DCC: variants seen among roughly 807,000 people sequenced by gnomAD.
DCC encodes the protein DCC netrin 1 receptor, also known as netrin receptor DCC.
In DCC, 58 loss-of-function variants were observed where a neutral mutation model predicts 172.5. The observed-to-expected ratio is 0.34, with a 90% CI of 0.27 to 0.42. The LOEUF (loss-of-function observed/expected upper bound fraction) is 0.42, where lower values mean the gene tolerates loss of function less well. Among genes scored for constraint, DCC ranks in the 10% least tolerant of loss-of-function variants. The pLI is 1.00. For synonymous variants in DCC, 709 were observed against 644.5 expected (o/e 1.10, Z -1.52); for missense variants, 1,740 against 1,791.0 (o/e 0.97, Z 0.51).
In DCC at chr18:52,886,195, A is replaced by C. The variant is rs2039566933; in HGVS notation, c.413-19849A>C. ...CCTAGGTCACATGCCATCCGAATCT[A>C]CTGGCTCTAAGCCCAGCCCAGGACT... On this transcript the variant is annotated intron_variant, in intron 2 of 28. Transcript: ENST00000442544. 2.0e-5 allele frequency among the ~76,000 whole-genome samples: 3 copies of C among 152,004 alleles called. No homozygotes were observed. The South Asian group carries it at 6.2e-4, about 32-fold the overall frequency.
chr18:52,724,781 A>C (rs1385285639), intron 1 of DCC, among the ~76,000 whole-genome samples: 1 of 152,158 alleles, frequency 6.6e-6, no homozygotes, highest in South Asian at 2.1e-4. Flanking sequence ...CAGCTTCAGC[A>C]CAGGTAAACC....
chr18:52,446,209 C>T (rs989925502), intron 1 of DCC, among the ~76,000 whole-genome samples: 9 of 152,198 alleles, frequency 5.9e-5, no homozygotes, highest in East Asian at 3.9e-4. Flanking sequence ...GCGTAAGCCA[C>T]CGTGCCCGGC....
intron 2 of DCC, among the ~76,000 whole-genome samples, chr18:52,871,327 T>TG (rs1355734191): frequency 6.6e-6 from 1 of 152,070 alleles, no homozygotes; most frequent in African/African-American, 2.4e-5. Context: ...AGTGTCTTTT[T>TG]TTTTTTTGGC....
At chr18:52,806,961 G>A (rs941179451) in intron 2 of DCC, among the ~76,000 whole-genome samples, 1 of 152,140 alleles carries the variant, frequency 6.6e-6, no homozygotes, top group African/African-American at 2.4e-5. Context: ...TGGGGAGGCT[G>A]AGACAGGTGG....
chr18:53,255,766 T>A (rs1428602160), intron 12 of DCC, among the ~76,000 whole-genome samples: 1 of 152,178 alleles, frequency 6.6e-6, no homozygotes, highest in Non-Finnish European at 1.5e-5. Flanking sequence ...TTTCTAGTTC[T>A]AGATCCCTGA....
chr18:53,224,163 T>C (rs2055986673), intron 12 of DCC, among the ~76,000 whole-genome samples: 1 of 151,994 alleles, frequency 6.6e-6, no homozygotes, highest in Admixed American at 6.6e-5. Flanking sequence ...TCAAGAACAG[T>C]CATGCGATAG....
intron 1 of DCC, among the ~76,000 whole-genome samples, chr18:52,385,775 T>C (rs1350966723): frequency 6.6e-6 from 1 of 152,088 alleles, no homozygotes; most frequent in Non-Finnish European, 1.5e-5. Context: ...CTTAAGTAAT[T>C]CCAGTCATCT....
intron 1 of DCC, among the ~76,000 whole-genome samples, chr18:52,656,127 A>G (rs1292129985): frequency 2.7e-5 from 4 of 149,092 alleles, no homozygotes; most frequent in South Asian, 4.2e-4. Flanking sequence ...ATATATATGT[A>G]TATATATAGT....
At chr18:53,319,388 C>T (rs1682801339) in intron 13 of DCC, among the ~76,000 whole-genome samples, 1 of 151,898 alleles carries the variant, frequency 6.6e-6, no homozygotes. Flanking sequence ...CAGAGACACA[C>T]ATAGGCTCAA....
At chr18:53,234,133 C>G (rs2056164646) in intron 12 of DCC, among the ~76,000 whole-genome samples, 3 of 152,126 alleles carry the variant, frequency 2.0e-5, no homozygotes, top group Non-Finnish European at 2.9e-5. Flanking sequence ...GCCTGTAATC[C>G]CAGCTACTCT....
chr18:53,312,274 G>A (rs1451763941), intron 13 of DCC, among the ~76,000 whole-genome samples: 5 of 146,696 alleles, frequency 3.4e-5, no homozygotes, highest in Non-Finnish European at 7.5e-5. Flanking sequence ...CCGGGAGGTG[G>A]GGCTTGCAGT....
intron 2 of DCC, among the ~76,000 whole-genome samples, chr18:52,816,214 T>A (rs1428775849): frequency 6.6e-6 from 1 of 152,238 alleles, no homozygotes; most frequent in Non-Finnish European, 1.5e-5. Context: ...ACAAAAATGC[T>A]GGCAATTCAT....
chr18:53,123,180 G>A (rs531945773), intron 7 of DCC, among the ~76,000 whole-genome samples: 1 of 152,048 alleles, frequency 6.6e-6, no homozygotes, highest in African/African-American at 2.4e-5. Context: ...AAATACATTG[G>A]AGGGTACTAG....
intron 5 of DCC, among the ~76,000 whole-genome samples, chr18:52,938,346 C>T (rs1054939530): frequency 2.6e-5 from 4 of 151,996 alleles, no homozygotes; most frequent in Non-Finnish European, 4.4e-5. Context: ...GGGAGTAGAG[C>T]AATAGTAGTG....
intron 1 of DCC, among the ~76,000 whole-genome samples, chr18:52,416,123 G>T (rs1290992773): frequency 2.0e-5 from 3 of 152,030 alleles, no homozygotes; most frequent in Non-Finnish European, 4.4e-5. Flanking sequence ...CCTTCATTTT[G>T]TTATGTACTC....
At chr18:52,541,883 A>ATATATATGTATATATATATATATG (rs1156400794) in intron 1 of DCC, among the ~76,000 whole-genome samples, 1 of 137,412 alleles carries the variant, frequency 7.3e-6, no homozygotes, top group Admixed American at 7.9e-5. Flanking sequence ...GTGTATATAT[A>ATATATATGTATATATATATATATG]TATATATATA....
chr18:53,205,438 G>A, intron 10 of DCC, 74 bp downstream of exon 10: 1 of 1,475,470 alleles, frequency 6.8e-7, no homozygotes, highest in Non-Finnish European at 9.5e-7. Context: ...TAGGGCTGGA[G>A]AAATAGGAAA....
intron 2 of DCC, among the ~76,000 whole-genome samples, chr18:52,800,156 G>T (rs1346916230): frequency 1.3e-5 from 2 of 152,164 alleles, no homozygotes; most frequent in Non-Finnish European, 2.9e-5. Context: ...AGTTCCTAGT[G>T]AGAAAAGGCA....
chr18:52,385,115 T>C (rs1026767154), intron 1 of DCC, among the ~76,000 whole-genome samples: 3 of 152,118 alleles, frequency 2.0e-5, no homozygotes, highest in Non-Finnish European at 2.9e-5. Context: ...TAAATGTGAA[T>C]GGTTCACAAC....
Sources: gnomAD v4.1 joint callset for allele counts (sites outside exome capture counted in the v4.1 genomes callset) on GRCh38, gnomAD v4.1.1 for gene constraint, MANE v1.5 for transcripts, NCBI Gene and HGNC (gene_info 2026-07-23, HGNC 2026-07-21) for gene names.